The following CPXM2 variants were observed in gnomAD, a reference collection of about 807,000 sequenced individuals.
The protein encoded by CPXM2 is carboxypeptidase X, M14 family member 2.
CPXM2 carries 66 observed loss-of-function variants against 86.1 expected under a neutral mutation model. The observed-to-expected ratio is 0.77, with a 90% CI of 0.63 to 0.94. The LOEUF is 0.94. Among genes scored for constraint, CPXM2 ranks in the 40% least tolerant of loss-of-function variants. The pLI, the probability that CPXM2 is intolerant of heterozygous loss-of-function variation, is 0.00. For synonymous variants in CPXM2, 388 were observed against 400.2 expected, an observed-to-expected ratio of 0.97 and a Z score of 0.36; for missense variants, 948 against 1,026.3, an observed-to-expected ratio of 0.92 and a Z score of 1.04.
chr10:123,815,642 G>C (rs1847798685), intron 4 of CPXM2, among the ~76,000 whole-genome samples: 1 of 152,134 alleles, frequency 6.6e-6, no homozygotes, highest in Non-Finnish European at 1.5e-5. Flanking sequence ...AACAGTGATG[G>C]CTTCCCCTGA....
At chr10:123,919,788 A>C (rs1263916020) in intron 2 of CPXM2, among the ~76,000 whole-genome samples, 1 of 152,230 alleles carries the variant, frequency 6.6e-6, no homozygotes, top group Non-Finnish European at 1.5e-5. Flanking sequence ...TAGACTGTAC[A>C]AGAAGGATGT....
chr10:123,784,838 T>C (rs942080637), intron 6 of CPXM2, among the ~76,000 whole-genome samples: 1 of 152,206 alleles, frequency 6.6e-6, no homozygotes, highest in African/African-American at 2.4e-5. Flanking sequence ...TCACGTACGA[T>C]TGAGGCAGAA....
intron 4 of CPXM2, among the ~76,000 whole-genome samples, chr10:123,824,559 A>G (rs1848005331): frequency 6.6e-6 from 1 of 152,174 alleles, no homozygotes; most frequent in South Asian, 2.1e-4. Context: ...GTATATTCTC[A>G]AGACCAGCTG....
chr10:123,819,022 C>T (rs571439233), intron 4 of CPXM2, among the ~76,000 whole-genome samples: 33 of 152,254 alleles, frequency 2.2e-4, no homozygotes, highest in East Asian at 7.7e-4. Context: ...GGGAGGAATG[C>T]TGCCACCAGG....
chr10:123,927,635 G>A (rs1046801514), intron 2 of CPXM2, among the ~76,000 whole-genome samples: 6 of 152,130 alleles, frequency 3.9e-5, no homozygotes, highest in Admixed American at 1.3e-4. Flanking sequence ...TTGCTCATGC[G>A]GCCTTAGGGC....
intron 4 of CPXM2, among the ~76,000 whole-genome samples, chr10:123,837,812 A>G (rs566975932): frequency 2.0e-4 from 31 of 152,316 alleles, no homozygotes; most frequent in African/African-American, 7.2e-4. Context: ...TTATTTGGAA[A>G]ACTAATAAAA....
At chr10:123,843,903 A>G (rs1410346299) in intron 3 of CPXM2, among the ~76,000 whole-genome samples, 2 of 152,158 alleles carry the variant, frequency 1.3e-5, no homozygotes, top group Non-Finnish European at 1.5e-5. Context: ...CTGTCCATCA[A>G]AGACTACTGA....
At chr10:123,829,303 C>T (rs1848112096) in intron 4 of CPXM2, among the ~76,000 whole-genome samples, 3 of 152,062 alleles carry the variant, frequency 2.0e-5, no homozygotes, top group South Asian at 4.1e-4. Context: ...CTCAAGGAAA[C>T]AGTTTGGCAG....
chr10:123,855,708 A>T (rs1206735959), intron 3 of CPXM2, among the ~76,000 whole-genome samples: 1 of 152,218 alleles, frequency 6.6e-6, no homozygotes, highest in Non-Finnish European at 1.5e-5. Flanking sequence ...AAATGAAGCC[A>T]CAGGCAGCAG....
At chr10:123,848,646 A>G (rs1013183986) in intron 3 of CPXM2, among the ~76,000 whole-genome samples, 1 of 152,250 alleles carries the variant, frequency 6.6e-6, no homozygotes, top group Non-Finnish European at 1.5e-5. Context: ...TGCTTTAGCC[A>G]TTAACATTGT....
At chr10:123,781,771 C>A (rs1846939925) in intron 6 of CPXM2, among the ~76,000 whole-genome samples, 1 of 152,192 alleles carries the variant, frequency 6.6e-6, no homozygotes. Flanking sequence ...GCAACAGGAT[C>A]CCAGCTGGCT....
At position 123,799,238 on chromosome 10, in the gene CPXM2, A is replaced by G. The variant is rs7906808; in HGVS notation, c.654-39T>C. ...AAACATCATTAGGACTACACACTTT[A>G]AAATGTTTGTTCTTCCATGAAGAGG... On this transcript the variant is annotated intron_variant, in intron 4 of 13. Coordinates refer to ENST00000241305, the MANE Select transcript of CPXM2 (RefSeq NM_198148.3). 2.6e-3 allele frequency: 4,123 copies of G among 1,610,578 alleles called. 104 individuals carry two copies. The African/African-American group carries it at 0.047, about 18-fold the overall frequency.
At chr10:123,942,952 T>G (rs556767259), upstream of CPXM2, among the ~76,000 whole-genome samples, 1 of 152,368 alleles carries the variant, frequency 6.6e-6, no homozygotes, top group East Asian at 1.9e-4. Flanking sequence ...ACACAAATAC[T>G]TACTATTGTG....
intron 6 of CPXM2, among the ~76,000 whole-genome samples, chr10:123,797,402 A>G (rs1360279968): frequency 6.6e-6 from 1 of 152,146 alleles, no homozygotes; most frequent in Non-Finnish European, 1.5e-5. Context: ...AAATCACTAT[A>G]GGCAAAACTA....
intron 2 of CPXM2, among the ~76,000 whole-genome samples, chr10:123,918,966 AAAGGGGGCC>A (rs1408364211): frequency 6.6e-6 from 1 of 152,208 alleles, no homozygotes; most frequent in Non-Finnish European, 1.5e-5. Context: ...GAGCACCAGG[AAAGGGGGCC>A]ACTGGGAGCT....
At chr10:123,757,487 C>T in intron 11 of CPXM2, 135 bp from the exon 12 acceptor site, 2 of 735,638 alleles carry the variant, frequency 2.7e-6, no homozygotes, top group African/African-American at 1.8e-5. Flanking sequence ...GAAGTATCTA[C>T]TATAGACAAA....
chr10:123,910,547 C>G (rs1945480220), intron 2 of CPXM2, among the ~76,000 whole-genome samples: 1 of 152,174 alleles, frequency 6.6e-6, no homozygotes, highest in Non-Finnish European at 1.5e-5. Flanking sequence ...ACCTCAGCAC[C>G]TCCTCATTGT....
intron 1 of CPXM2, among the ~76,000 whole-genome samples, chr10:123,889,594 C>T (rs1201704632): frequency 2.0e-5 from 3 of 152,154 alleles, no homozygotes; most frequent in Non-Finnish European, 4.4e-5. Context: ...ACAGGAAGAC[C>T]AGCACATAAG....
intron 13 of CPXM2, chr10:123,752,595 C>A (rs1180381426): frequency 3.0e-6 from 3 of 985,200 alleles, no homozygotes; most frequent in African/African-American, 3.5e-5. Context: ...TGCTTCCTGG[C>A]AGGTGGAATG....
Sources: gnomAD v4.1 joint callset for allele counts (sites outside exome capture counted in the v4.1 genomes callset) on GRCh38, gnomAD v4.1.1 for gene constraint, MANE v1.5 for transcripts, NCBI Gene and HGNC (gene_info 2026-07-23, HGNC 2026-07-21) for gene names.